FAM168A: variants seen among roughly 807,000 people sequenced by gnomAD.
FAM168A encodes protein FAM168A.
A neutral mutation model predicts 28.5 loss-of-function variants in FAM168A; 3 were observed. The observed-to-expected ratio is 0.11, with a 90% CI of 0.05 to 0.27. The LOEUF is 0.27. Ranked by LOEUF, FAM168A falls within the 10% of genes least tolerant of loss-of-function variation. FAM168A has a pLI of 1.00. For missense variants in FAM168A, 222 were observed against 311.5 expected, an observed-to-expected ratio of 0.71 and a Z score of 2.16; for synonymous variants, 122 against 124.2, an observed-to-expected ratio of 0.98 and a Z score of 0.12.
intron 4 of FAM168A, 126 bp downstream of exon 4, chr11:73,419,748 A>G: frequency 6.4e-6 from 8 of 1,243,494 alleles, no homozygotes; most frequent in Non-Finnish European, 8.8e-6. Flanking sequence ...TTGCCTGGGT[A>G]AAAGAACCTC....
At chr11:73,487,863 C>T (rs1167754808) in intron 1 of FAM168A, among the ~76,000 whole-genome samples, 1 of 152,156 alleles carries the variant, frequency 6.6e-6, no homozygotes, top group Non-Finnish European at 1.5e-5. Flanking sequence ...ACCTATATTT[C>T]ATTGTCCATC....
rs76344649 is a variant in FAM168A at position 73,480,858 on chromosome 11, C to A, written c.-18-12366G>T. Among the ~76,000 whole-genome samples the A allele has an allele frequency of 3.9e-4, 60 of 152,250 alleles. 1 individual carries two copies. Among genetic ancestry groups the A allele is most frequent in the African/African-American group, 1.4e-3 (59 of 41,538 alleles). Reference sequence around the variant, plus strand: ...TATGATATCATGCTGTTTCACAATCCAGATGTATTATCTAAAACGGATGTA... The same window carrying A: ...TATGATATCATGCTGTTTCACAATCAAGATGTATTATCTAAAACGGATGTA... On this transcript the variant is annotated intron_variant, in intron 1 of 7. Transcript: ENST00000356467.
rs1418483724 is a variant in FAM168A, at chr11:73,553,457, G to GAGGA, written c.-19+44465_-19+44466insTCCT. On this transcript the variant is annotated intron_variant, in intron 1 of 7. Transcript: ENST00000356467. ...GCCTGAGCATAGAGAAAGCAATTAA[G>GAGGA]TCTGACTAATAAGAGGATAAAGCCC... Among the ~76,000 whole-genome samples, 7 of 152,258 alleles carry GAGGA rather than the reference G, an allele frequency of 4.6e-5. No homozygotes were observed. In the East Asian group the frequency reaches 1.3e-3, roughly 29 times the overall value.
intron 1 of FAM168A, among the ~76,000 whole-genome samples, chr11:73,573,833 A>G (rs563362368): frequency 2.4e-4 from 36 of 152,196 alleles, no homozygotes; most frequent in Non-Finnish European, 4.1e-4. Flanking sequence ...GTACATGCCT[A>G]TAATCCCAGC....
intron 1 of FAM168A, among the ~76,000 whole-genome samples, chr11:73,502,859 C>A (rs546524154): frequency 5.3e-5 from 8 of 152,270 alleles, no homozygotes; most frequent in African/African-American, 1.9e-4. Flanking sequence ...TGCAAATCAA[C>A]AAACATAATC....
chr11:73,597,390 A>C (rs2134755335), intron 1 of FAM168A, among the ~76,000 whole-genome samples: 1 of 151,600 alleles, frequency 6.6e-6, no homozygotes. Context: ...CACCTCCATC[A>C]TCCTGCCCCA....
chr11:73,598,060 C>T lies in FAM168A; in HGVS notation c.-156G>A, dbSNP rs1590764484. 1 of 152,562 alleles carries T rather than the reference C, an allele frequency of 6.6e-6. No individual in the cohort carries two copies. Among genetic ancestry groups the T allele is most frequent in the East Asian group, 1.9e-4 (1 of 5,184 alleles). The allele number at this position is 152,562 out of a possible 1,614,324, so 9.5% of individuals were successfully genotyped here. A position where few individuals can be genotyped will look rare whatever the true frequency, so the allele number is the denominator to read the frequency against. ...GATGGCGCGCGGGGACCGGAGCCTC[C>T]TCCTCAGCGACTCGGCTCTGAATCC... On this transcript the variant is annotated 5_prime_UTR_variant, in exon 1 of 8. Coordinates refer to ENST00000356467, the MANE Select transcript of FAM168A (RefSeq NM_015159.3).
At chr11:73,481,240 T>C (rs1470932347) in intron 1 of FAM168A, among the ~76,000 whole-genome samples, 1 of 152,154 alleles carries the variant, frequency 6.6e-6, no homozygotes, top group African/African-American at 2.4e-5. Context: ...CTTACTCTTC[T>C]TTTTAGGGTT....
intron 1 of FAM168A, among the ~76,000 whole-genome samples, chr11:73,531,822 T>TTTTTTA (rs1943517432): frequency 1.4e-5 from 2 of 144,536 alleles, no homozygotes; most frequent in African/African-American, 5.0e-5. Flanking sequence ...TTTTTTTTTT[T>TTTTTTA]GAGACAGGGT....
intron 1 of FAM168A, among the ~76,000 whole-genome samples, chr11:73,518,018 G>A (rs1320872772): frequency 6.6e-6 from 1 of 152,248 alleles, no homozygotes; most frequent in Non-Finnish European, 1.5e-5. Context: ...CAGTGTCCAG[G>A]TCTTGACACA....
chr11:73,427,994 CCT>C (rs1407836139), intron 3 of FAM168A, among the ~76,000 whole-genome samples: 12 of 152,330 alleles, frequency 7.9e-5, no homozygotes, highest in Middle Eastern at 6.8e-3. Context: ...TCTCTACTCC[CCT>C]CTGTCTCAGC....
At position 73,483,120 on chromosome 11, in the gene FAM168A, T is replaced by G. The variant is rs189801958; in HGVS notation, c.-18-14628A>C. ...TCTTCTGTGTAGTGGGAAATACTAG[T>G]GGTATCAATATTCCAAGAATGTTGG... On this transcript the variant is annotated intron_variant, in intron 1 of 7. Coordinates refer to ENST00000356467, the MANE Select transcript of FAM168A (RefSeq NM_015159.3). Among the ~76,000 whole-genome samples the G allele has an allele frequency of 5.0e-4, 76 of 152,302 alleles. No individual in the cohort carries two copies. The East Asian group carries it at 0.014, about 29-fold the overall frequency.
At chr11:73,492,054 A>G (rs1268081660) in intron 1 of FAM168A, among the ~76,000 whole-genome samples, 1 of 152,210 alleles carries the variant, frequency 6.6e-6, no homozygotes, top group Admixed American at 6.5e-5. Context: ...GTCTCCATGG[A>G]GAGTCAGGGC....
chr11:73,505,995 ATTAACCAAATAAG>A (rs1044243914), intron 1 of FAM168A, among the ~76,000 whole-genome samples: 2 of 152,264 alleles, frequency 1.3e-5, no homozygotes, highest in East Asian at 3.9e-4. Context: ...AGGTTAATGG[ATTAACCAAATAAG>A]TTAAAGGCAT....
At chr11:73,425,110 G>T (rs1360966900) in intron 3 of FAM168A, 7 of 1,255,856 alleles carry the variant, frequency 5.6e-6, no homozygotes, top group Non-Finnish European at 7.6e-6. Context: ...TGTATACATT[G>T]CAGTTACATA....
chr11:73,483,387 T>C (rs1157858278), intron 1 of FAM168A, among the ~76,000 whole-genome samples: 1 of 152,174 alleles, frequency 6.6e-6, no homozygotes, highest in African/African-American at 2.4e-5. Flanking sequence ...CTTGAGGCTA[T>C]CTGCCACAGG....
intron 1 of FAM168A, among the ~76,000 whole-genome samples, chr11:73,473,022 A>G (rs1455943362): frequency 6.6e-6 from 1 of 152,152 alleles, no homozygotes; most frequent in African/African-American, 2.4e-5. Context: ...GGAGGTTAAA[A>G]AAAAAGGAAA....
At chr11:73,492,000 G>T (rs1048218003) in intron 1 of FAM168A, among the ~76,000 whole-genome samples, 4 of 152,176 alleles carry the variant, frequency 2.6e-5, no homozygotes, top group Non-Finnish European at 4.4e-5. Flanking sequence ...AATTTAAAAT[G>T]CTAAAAACCA....
intron 1 of FAM168A, among the ~76,000 whole-genome samples, chr11:73,591,388 T>C (rs1011432965): frequency 6.6e-6 from 1 of 152,214 alleles, no homozygotes; most frequent in Admixed American, 6.5e-5. Context: ...GATTAAATTC[T>C]ATCTATAAGG....
Sources: gnomAD v4.1 joint callset for allele counts (sites outside exome capture counted in the v4.1 genomes callset) on GRCh38, gnomAD v4.1.1 for gene constraint, MANE v1.5 for transcripts, NCBI Gene and HGNC (gene_info 2026-07-23, HGNC 2026-07-21) for gene names.